CTNNA2: variants seen among roughly 807,000 people sequenced by gnomAD.
CTNNA2 encodes the protein catenin alpha-2.
A neutral mutation model predicts 101.0 loss-of-function variants in CTNNA2; 42 were observed. The observed-to-expected ratio is 0.42, with a 90% CI of 0.32 to 0.54. The LOEUF (loss-of-function observed/expected upper bound fraction) is 0.54. Among genes scored for constraint, CTNNA2 ranks in the 20% least tolerant of loss-of-function variants. CTNNA2 has a pLI of 0.14. For synonymous variants in CTNNA2, 450 were observed against 456.4 expected, an observed-to-expected ratio of 0.99 and a Z score of 0.18; for missense variants, 871 against 1,223.1, an observed-to-expected ratio of 0.71 and a Z score of 4.29.
chr2:80,313,283 A>G (rs1404131728), intron 7 of CTNNA2: 1 of 818,580 alleles, frequency 1.2e-6, no homozygotes. Context: ...TCTGACAAGA[A>G]TCTTGAAAAT....
intron 2 of CTNNA2, among the ~76,000 whole-genome samples, chr2:79,202,170 C>T (rs1430498948): frequency 2.0e-5 from 3 of 152,068 alleles, no homozygotes; most frequent in Non-Finnish European, 2.9e-5. Context: ...TCAGGTAAGC[C>T]TCAGAGGGAT....
intron 2 of CTNNA2, among the ~76,000 whole-genome samples, chr2:79,684,739 A>T (rs1683819903): frequency 6.6e-6 from 1 of 152,202 alleles, no homozygotes; most frequent in African/African-American, 2.4e-5. Flanking sequence ...TTGTTCATTG[A>T]TTAGTATGTG....
intron 1 of CTNNA2, among the ~76,000 whole-genome samples, chr2:79,598,919 A>G (rs1457338852): frequency 6.6e-6 from 1 of 151,994 alleles, no homozygotes; most frequent in Non-Finnish European, 1.5e-5. Context: ...TATCTTTTAG[A>G]AGTTTTATAG....
chr2:79,255,517 G>A (rs934515), intron 2 of CTNNA2, among the ~76,000 whole-genome samples: 23,055 of 152,122 alleles, frequency 0.15, 1,886 homozygotes, highest in African/African-American at 0.2. Flanking sequence ...AGTTACAACT[G>A]AGGCATGTGT....
intron 2 of CTNNA2, among the ~76,000 whole-genome samples, chr2:79,713,229 G>C (rs567066327): frequency 5.9e-5 from 9 of 152,294 alleles, no homozygotes; most frequent in African/African-American, 2.2e-4. Flanking sequence ...ATCTGAGATA[G>C]CAATTCTAAT....
At chr2:79,798,435 C>T (rs979361925) in intron 3 of CTNNA2, among the ~76,000 whole-genome samples, 12 of 151,750 alleles carry the variant, frequency 7.9e-5, no homozygotes, top group African/African-American at 2.9e-4. Context: ...TTCTTTTTTC[C>T]TTTTATTCAG....
intron 9 of CTNNA2, among the ~76,000 whole-genome samples, chr2:80,458,300 A>G (rs139283918): frequency 1.4e-3 from 217 of 152,320 alleles, no homozygotes; most frequent in African/African-American, 5.0e-3. Context: ...TGTAGTTAAT[A>G]TGACCTATTG....
rs70940088 is a variant in CTNNA2 at position 80,569,633 on chromosome 2, G to GTTTTTTTT, written c.1742-4510_1742-4503dup. On this transcript the variant is annotated intron_variant, in intron 12 of 18. Coordinates refer to ENST00000402739, the MANE Select transcript of CTNNA2 (RefSeq NM_001282597.3). Reference sequence around the variant, plus strand: ...TCAGTATTACTTTTGGGGTATTTAGGTTTTTTTTTTTTTTTTTTTTTTTTT... The same window carrying GTTTTTTTT: ...TCAGTATTACTTTTGGGGTATTTAGGTTTTTTTTTTTTTTTTTTTTTTTTTTTTTTTTT... Among the ~76,000 whole-genome samples the GTTTTTTTT allele has an allele frequency of 1.5e-3, 80 of 51,716 alleles. 14 individuals are homozygous for GTTTTTTTT. The highest frequency in any genetic ancestry group is 2.6e-3 in the South Asian group (3 of 1,138). 33.9% of individuals were successfully genotyped at this position (51,716 alleles called of 152,430 possible). A position where few individuals can be genotyped will look rare whatever the true frequency, so the allele number is the denominator to read the frequency against.
intron 9 of CTNNA2, among the ~76,000 whole-genome samples, chr2:80,526,285 C>T (rs552694977): frequency 1.6e-4 from 24 of 152,200 alleles, no homozygotes; most frequent in African/African-American, 3.9e-4. Context: ...CTGAAACCTC[C>T]GCCTCCCGGG....
chr2:79,919,442 G>A (rs1407204462), intron 7 of CTNNA2, among the ~76,000 whole-genome samples: 2 of 152,142 alleles, frequency 1.3e-5, no homozygotes, highest in South Asian at 4.1e-4. Flanking sequence ...AAGGTGGTTC[G>A]GTCAATAGGA....
At chr2:80,198,024 C>T (rs535400925) in intron 7 of CTNNA2, among the ~76,000 whole-genome samples, 21 of 152,260 alleles carry the variant, frequency 1.4e-4, no homozygotes, top group African/African-American at 5.1e-4. Context: ...CTCTGAAATA[C>T]TAGCAGGGCT....
chr2:80,124,583 A>G (rs1182797021), intron 7 of CTNNA2, among the ~76,000 whole-genome samples: 2 of 152,200 alleles, frequency 1.3e-5, no homozygotes, highest in African/African-American at 4.8e-5. Flanking sequence ...TCTCGTATAT[A>G]GTACAAAGGT....
At chr2:80,254,994 AAT>A (rs1672030382) in intron 7 of CTNNA2, among the ~76,000 whole-genome samples, 2 of 152,122 alleles carry the variant, frequency 1.3e-5, no homozygotes, top group Middle Eastern at 3.4e-3. Flanking sequence ...AATTGAACAT[AAT>A]GAGCTCAAGC....
At chr2:79,931,681 C>A (rs1687453415) in intron 7 of CTNNA2, among the ~76,000 whole-genome samples, 1 of 152,078 alleles carries the variant, frequency 6.6e-6, no homozygotes, top group Non-Finnish European at 1.5e-5. Flanking sequence ...GTTTTTTTAA[C>A]TACTTTTCAT....
At chr2:79,312,165 T>C (rs1322790800) in intron 2 of CTNNA2, among the ~76,000 whole-genome samples, 1 of 152,136 alleles carries the variant, frequency 6.6e-6, no homozygotes, top group Non-Finnish European at 1.5e-5. Flanking sequence ...TACCTCAGCC[T>C]CTCAAAGTGC....
At chr2:79,891,897 A>G (rs967832843) in intron 6 of CTNNA2, among the ~76,000 whole-genome samples, 22 of 151,976 alleles carry the variant, frequency 1.4e-4, no homozygotes, top group African/African-American at 4.8e-4. Context: ...TCCTATTTTT[A>G]TTATTTTCCA....
chr2:79,672,621 C>CA (rs1558824214), intron 2 of CTNNA2, among the ~76,000 whole-genome samples: 1 of 150,266 alleles, frequency 6.7e-6, no homozygotes, highest in Non-Finnish European at 1.5e-5. Flanking sequence ...AGTTGAAAAT[C>CA]AAAAAAACTT....
chr2:79,905,438 A>C (rs1345358568), intron 6 of CTNNA2, among the ~76,000 whole-genome samples: 2 of 152,194 alleles, frequency 1.3e-5, no homozygotes, highest in African/African-American at 4.8e-5. Context: ...ATGAACTAAA[A>C]TAAGTCTGTA....
intron 7 of CTNNA2, among the ~76,000 whole-genome samples, chr2:80,362,743 AC>A (rs1231216216): frequency 1.3e-5 from 2 of 152,136 alleles, no homozygotes; most frequent in Admixed American, 6.6e-5. Context: ...TGCACGTCTT[AC>A]CCATAAGAAC....
Sources: allele counts gnomAD v4.1 joint callset (sites outside exome capture counted in the v4.1 genomes callset), GRCh38; gene constraint gnomAD v4.1.1; transcripts MANE v1.5; gene names NCBI Gene and HGNC (gene_info 2026-07-23, HGNC 2026-07-21).